The following GLRX3 variants were observed in gnomAD, a reference collection of about 807,000 sequenced individuals.
GLRX3 encodes the protein glutaredoxin-3.
Under a neutral mutation model 49.5 loss-of-function variants are expected in GLRX3, and 22 were observed. That is an observed-to-expected ratio of 0.44 (90% CI 0.32 to 0.63). The LOEUF (loss-of-function observed/expected upper bound fraction) is 0.63. Ranked by LOEUF, GLRX3 falls within the 30% of genes least tolerant of loss-of-function variation. The pLI, the probability that GLRX3 is intolerant of heterozygous loss-of-function variation, is 0.05. For missense variants in GLRX3, 385 were observed against 396.3 expected (o/e 0.97, Z 0.24); for synonymous variants, 133 against 140.0 (o/e 0.95, Z 0.35).
intron 1 of GLRX3, among the ~76,000 whole-genome samples, chr10:130,141,951 C>T (rs542039402): frequency 4.9e-4 from 74 of 152,288 alleles, no homozygotes; most frequent in Non-Finnish European, 7.9e-4. Context: ...GGGCCCCAGA[C>T]AACTGCAAGG....
At chr10:130,136,831 C>A (rs1228605899) in intron 1 of GLRX3, among the ~76,000 whole-genome samples, 5 of 152,084 alleles carry the variant, frequency 3.3e-5, no homozygotes, top group Admixed American at 6.5e-5. Flanking sequence ...TGGGCGGCCC[C>A]GCCGCGGGAC....
intron 4 of GLRX3, among the ~76,000 whole-genome samples, chr10:130,162,335 G>A (rs1326729929): frequency 6.6e-6 from 1 of 152,200 alleles, no homozygotes; most frequent in African/African-American, 2.4e-5. Flanking sequence ...CAGTATTTAT[G>A]TGTCAGATAA....
At chr10:130,150,974 C>G (rs1862365922) in intron 2 of GLRX3, among the ~76,000 whole-genome samples, 1 of 149,424 alleles carries the variant, frequency 6.7e-6, no homozygotes, top group South Asian at 2.1e-4. Context: ...GTCGCCCAGG[C>G]TGGAGTGCAA....
chr10:130,168,946 T>C (rs758301939), intron 6 of GLRX3, among the ~76,000 whole-genome samples: 22 of 152,196 alleles, frequency 1.4e-4, no homozygotes, highest in Admixed American at 5.2e-4. Flanking sequence ...ATATAAAACA[T>C]GTTAAGATGA....
intron 2 of GLRX3, among the ~76,000 whole-genome samples, chr10:130,155,485 AT>A (rs1158258402): frequency 1.3e-5 from 2 of 152,144 alleles, no homozygotes; most frequent in Admixed American, 6.6e-5. Context: ...GTGGGATTAT[AT>A]TTTGGAAGGG....
At chr10:130,159,973 C>T (rs2134901011) in intron 2 of GLRX3, 22 bp from the exon 3 acceptor site, 1 of 1,474,540 alleles carries the variant, frequency 6.8e-7, no homozygotes, top group Non-Finnish European at 9.5e-7. Context: ...AATAATCAAG[C>T]TTGAATTCTT....
At chr10:130,159,895 C>A in intron 2 of GLRX3, 100 bp from the exon 3 acceptor site, 3 of 1,286,862 alleles carry the variant, frequency 2.3e-6, no homozygotes, top group Non-Finnish European at 2.2e-6. Context: ...TTAAAAAATG[C>A]CAGCTACTTG....
chr10:130,160,991 C>A lies in GLRX3; in HGVS notation c.472C>A (p.Arg158Ser). Residue 158 changes from arginine (R) to serine (S), a missense_variant, in exon 4 of 11, where the codon CGC (arginine) becomes AGC (serine). Coordinates refer to ENST00000331244, the MANE Select transcript of GLRX3 (RefSeq NM_006541.5). Reference sequence around the variant, plus strand: ...TATGAAAGGAACTCCTCAAGAACCACGCTGTGGTAAGAAGCTGCCTTTAAC... The same window carrying A: ...TATGAAAGGAACTCCTCAAGAACCAAGCTGTGGTAAGAAGCTGCCTTTAAC... ...LFMKGTPQEP[R>S]CGFSKQMVEI... 1 of 1,610,642 alleles carries A rather than the reference C, an allele frequency of 6.2e-7. No homozygotes were observed.
intron 8 of GLRX3, 44 bp from the exon 9 acceptor site, chr10:130,174,823 G>A (rs1219446729): frequency 1.6e-6 from 2 of 1,265,072 alleles, no homozygotes; most frequent in Non-Finnish European, 2.3e-6. Flanking sequence ...TTTACACTTT[G>A]ATTTAACTGT....
intron 7 of GLRX3, among the ~76,000 whole-genome samples, chr10:130,170,531 G>C (rs891072507): frequency 6.6e-6 from 1 of 152,104 alleles, no homozygotes; most frequent in Admixed American, 6.5e-5. Flanking sequence ...CATTAGGTTA[G>C]GGCCTAAATT....
At position 130,172,121 on chromosome 10, in the gene GLRX3, G is replaced by A. The variant is rs184791840; in HGVS notation, c.824+485G>A. Among the ~76,000 whole-genome samples the A allele has an allele frequency of 2.0e-5, 3 of 152,248 alleles. No individual in the cohort carries two copies. In the East Asian group the frequency reaches 5.8e-4, roughly 29 times the overall value. On this transcript the variant is annotated intron_variant, in intron 8 of 10. Transcript: ENST00000331244. ...ATCAAAATAGTATTTTCTGGCCAGTGTCAACCTATTAGTAACATAAAGGAG... is the reference window on the plus strand; with the variant it reads ...ATCAAAATAGTATTTTCTGGCCAGTATCAACCTATTAGTAACATAAAGGAG...
chr10:130,175,142 T>A, intron 10 of GLRX3, 53 bp downstream of exon 10: 1 of 1,001,174 alleles, frequency 1.0e-6, no homozygotes, highest in Non-Finnish European at 1.6e-6. Flanking sequence ...TTGGTATGTT[T>A]AAAAATGATT....
At chr10:130,177,290 A>C (rs1338374419) in intron 10 of GLRX3, among the ~76,000 whole-genome samples, 1 of 152,220 alleles carries the variant, frequency 6.6e-6, no homozygotes, top group Admixed American at 6.5e-5. Context: ...ATTGCCTCTG[A>C]AGAGTAAACG....
In GLRX3 at chr10:130,149,257, C is replaced by A. The variant is rs188900892; in HGVS notation, c.201+3938C>A. Among the ~76,000 whole-genome samples the A allele has an allele frequency of 2.2e-4, 33 of 152,106 alleles. No homozygotes were observed. The East Asian group carries it at 6.4e-3, about 29-fold the overall frequency. On this transcript the variant is annotated intron_variant, in intron 2 of 10. Transcript: ENST00000331244. Reference sequence around the variant, plus strand: ...AGGAGTTCAAGACCAGCTTGAGTAACATGGTGAAACCCTGTCTCCACTAAA... The same window carrying A: ...AGGAGTTCAAGACCAGCTTGAGTAAAATGGTGAAACCCTGTCTCCACTAAA...
chr10:130,167,191 G>T (rs1222694723), intron 6 of GLRX3, among the ~76,000 whole-genome samples: 1 of 152,148 alleles, frequency 6.6e-6, no homozygotes, highest in Admixed American at 6.5e-5. Flanking sequence ...TCATGTGGAG[G>T]ATCTGCTTTG....
Position 130,171,633 on chromosome 10 carries a change from C to A in GLRX3, c.821C>A (p.Thr274Asn). The A allele has an allele frequency of 6.8e-7, 1 of 1,480,054 alleles. No individual in the cohort carries two copies. The highest frequency in any genetic ancestry group is 9.4e-7 in the Non-Finnish European group (1 of 1,058,240). 91.7% of individuals were successfully genotyped at this position (1,480,054 alleles called of 1,614,324 possible). A position where few individuals can be genotyped will look rare whatever the true frequency, so the allele number is the denominator to read the frequency against. The change falls in exon 8 of 11, where the codon ACT becomes AAT. Residue 274 changes from threonine to asparagine, a missense_variant. Around this residue, in one of 2 missense-constraint regions of GLRX3, gnomAD observed 374 missense variants for 358.6 expected, o/e 1.04. Transcript: ENST00000331244. ...CAAATTCTGGAAATACTAAATAGTA[C>A]TGGGTATGTAAATGTTGTTTTCAAA... Reference protein sequence around the residue: ...SKQILEILNSTGVEYETFDIL... With the variant: ...SKQILEILNSNGVEYETFDIL...
intron 6 of GLRX3, among the ~76,000 whole-genome samples, 188 bp downstream of exon 6, chr10:130,167,168 A>G (rs1862708674): frequency 6.6e-6 from 1 of 152,238 alleles, no homozygotes; most frequent in African/African-American, 2.4e-5. Context: ...AAATTTTAGC[A>G]CCAACTTAGT....
chr10:130,178,135 A>G (rs1862957342), intron 10 of GLRX3, among the ~76,000 whole-genome samples: 1 of 152,080 alleles, frequency 6.6e-6, no homozygotes, highest in Non-Finnish European at 1.5e-5. Context: ...TGAGGCAGAG[A>G]TGTGTTGCCA....
At chr10:130,159,025 T>G (rs1862528187) in intron 2 of GLRX3, among the ~76,000 whole-genome samples, 1 of 152,138 alleles carries the variant, frequency 6.6e-6, no homozygotes, top group Admixed American at 6.5e-5. Flanking sequence ...AGGCTCTAAA[T>G]AAAAATAGTA....
Sources: gnomAD v4.1 joint callset for allele counts (sites outside exome capture counted in the v4.1 genomes callset) on GRCh38, gnomAD v4.1.1 for gene constraint, gnomAD v4.1.1 regional missense constraint, MANE v1.5 for transcripts, NCBI Gene and HGNC (gene_info 2026-07-23, HGNC 2026-07-21) for gene names.